The following NWD2 variants were observed in gnomAD, a reference collection of about 807,000 sequenced individuals.
The protein encoded by NWD2 is NACHT and WD repeat domain containing 2, also known as NACHT and WD repeat domain-containing protein 2.
In NWD2, 37 loss-of-function variants were observed where a neutral mutation model predicts 132.7. The observed-to-expected ratio is 0.28, with a 90% CI of 0.21 to 0.37. The LOEUF (loss-of-function observed/expected upper bound fraction) is 0.37, where lower values mean the gene tolerates loss of function less well. NWD2 is among the 10% of genes least tolerant of loss of function. NWD2 has a pLI of 1.00. For synonymous variants in NWD2, 705 were observed against 803.0 expected (o/e 0.88, Z 2.06); for missense variants, 1,592 against 2,122.4 (o/e 0.75, Z 4.91).
At chr4:37,304,510 T>A (rs1718669651) in intron 1 of NWD2, among the ~76,000 whole-genome samples, 1 of 152,202 alleles carries the variant, frequency 6.6e-6, no homozygotes, top group Non-Finnish European at 1.5e-5. Flanking sequence ...CTTCCACCTA[T>A]AAGCCTGTAA....
intron 2 of NWD2, among the ~76,000 whole-genome samples, chr4:37,330,267 G>A (rs1719264679): frequency 6.6e-6 from 1 of 152,042 alleles, no homozygotes; most frequent in Non-Finnish European, 1.5e-5. Flanking sequence ...ACTCAGAGAT[G>A]GAAACAGTTC....
chr4:37,395,443 T>C (rs1005709262), intron 3 of NWD2, among the ~76,000 whole-genome samples: 42 of 151,346 alleles, frequency 2.8e-4, no homozygotes, highest in South Asian at 1.3e-3. Flanking sequence ...AGACTCACTT[T>C]CAAGTAGTAA....
chr4:37,431,428 C>CA (rs945953349), intron 4 of NWD2, among the ~76,000 whole-genome samples: 1 of 152,128 alleles, frequency 6.6e-6, no homozygotes, highest in Non-Finnish European at 1.5e-5. Context: ...CCCAGAAAGA[C>CA]AAATACCATA....
At position 37,274,179 on chromosome 4, in the gene NWD2, G is replaced by A. The variant is rs529769408; in HGVS notation, c.151+28961G>A. Among the ~76,000 whole-genome samples, 246 of 151,816 alleles carry A rather than the reference G, an allele frequency of 1.6e-3. 2 individuals are homozygous for A. Among genetic ancestry groups the A allele is most frequent in the South Asian group, 6.9e-3 (33 of 4,802 alleles). ...TAAAGATCAACAAAATTGATAGACC[G>A]CTAGCAAGACTAATAAAGAAGAAAA... On this transcript the variant is annotated intron_variant, in intron 1 of 6. Coordinates refer to ENST00000309447, the MANE Select transcript of NWD2 (RefSeq NM_001144990.2).
rs531837165 is a variant in NWD2, at chr4:37,445,708, T to C, written c.3720T>C (p.Ser1240=). The part of the protein sequence containing the change: ...HNERFISAVL[S]KNGDCIIATM... ...AACGCTTTATATCTGCCGTGCTGTC[T>C]AAAAATGGAGATTGTATCATCGCCA... Residue 1240 remains serine, a synonymous_variant, in exon 7 of 7, where the codon TCT becomes TCC. Coordinates refer to ENST00000309447, the MANE Select transcript of NWD2 (RefSeq NM_001144990.2). The surrounding 1 kb of genome is among the most constrained non-coding windows in gnomAD (Gnocchi z 4.7). 6.4e-7 allele frequency: 1 copy of C among 1,551,948 alleles called. No homozygotes were observed. The highest frequency in any genetic ancestry group is 1.4e-5 in the African/African-American group (1 of 73,170).
intron 1 of NWD2, 30 bp downstream of exon 1, chr4:37,245,248 G>A: frequency 6.6e-7 from 1 of 1,509,776 alleles, no homozygotes; most frequent in Non-Finnish European, 8.8e-7. Context: ...TTGCCCGTCC[G>A]TCCTTCTGTC....
At chr4:37,382,077 CAA>C (rs1021383069) in intron 3 of NWD2, among the ~76,000 whole-genome samples, 6 of 152,166 alleles carry the variant, frequency 3.9e-5, no homozygotes, top group Non-Finnish European at 8.8e-5. Context: ...TTACATTTCT[CAA>C]GAGAGAAGAA....
chr4:37,257,364 G>C (rs1451813070), intron 1 of NWD2, among the ~76,000 whole-genome samples: 1 of 152,200 alleles, frequency 6.6e-6, no homozygotes, highest in Non-Finnish European at 1.5e-5. Flanking sequence ...TAAGAATGAA[G>C]AAGTTGAAAG....
intron 1 of NWD2, among the ~76,000 whole-genome samples, chr4:37,292,912 C>G (rs562137337): frequency 1.3e-5 from 2 of 151,906 alleles, no homozygotes; most frequent in African/African-American, 2.4e-5. Context: ...GCTTGCCCAC[C>G]GCTCACCTCC....
At position 37,445,014 on chromosome 4, in the gene NWD2, A is replaced by T; in HGVS notation, c.3026A>T (p.Gln1009Leu). 1 of 1,551,992 alleles carries T rather than the reference A, an allele frequency of 6.4e-7. No individual in the cohort carries two copies. The highest frequency in any genetic ancestry group is 8.7e-7 in the Non-Finnish European group (1 of 1,147,058). The change falls in exon 7 of 7, where the codon CAG (glutamine) becomes CTG (leucine). Residue 1009 changes from glutamine to leucine, a missense_variant. By Grantham distance (113) the Gln-to-Leu change is moderately radical. Coordinates refer to ENST00000309447, the MANE Select transcript of NWD2 (RefSeq NM_001144990.2). This position sits in a 1 kb window ranked among gnomAD's most constrained non-coding sequence, Gnocchi z 4.7. ...RQLLRQITTA[Q>L]SVILGMKLTS... ...CTACTCAGGCAAATCACCACAGCCC[A>T]GTCTGTCATCCTGGGCATGAAACTC...
intron 1 of NWD2, among the ~76,000 whole-genome samples, chr4:37,303,284 G>A (rs1387877224): frequency 2.0e-5 from 3 of 152,106 alleles, no homozygotes; most frequent in African/African-American, 4.8e-5. Flanking sequence ...ATTTCTGGGA[G>A]CTGAAATTCT....
intron 2 of NWD2, among the ~76,000 whole-genome samples, chr4:37,352,078 T>C (rs1030311652): frequency 6.6e-6 from 1 of 152,206 alleles, no homozygotes; most frequent in Non-Finnish European, 1.5e-5. Context: ...TTGCATTTGC[T>C]GAGGAGTGTT....
rs1719167946 is a variant in NWD2, at chr4:37,326,075, T to C, written c.240+51T>C. On this transcript the variant is annotated intron_variant, in intron 2 of 6. Transcript: ENST00000309447. ...CAGTTATGTCCAGTTAAATAACTAG[T>C]GTTTGTTTCTTGTCACAACTTGAGT... The C allele has an allele frequency of 3.4e-6, 4 of 1,174,014 alleles. No individual in the cohort carries two copies. The South Asian group carries it at 4.2e-5, about 12-fold the overall frequency. The allele number at this position is 1,174,014 out of a possible 1,614,324, so 72.7% of individuals were successfully genotyped here.
intron 1 of NWD2, among the ~76,000 whole-genome samples, chr4:37,255,335 C>T (rs927889374): frequency 1.3e-5 from 2 of 152,126 alleles, no homozygotes; most frequent in South Asian, 4.1e-4. Context: ...AAGGATCAGA[C>T]CTAAAAATCA....
intron 1 of NWD2, among the ~76,000 whole-genome samples, chr4:37,315,346 T>C (rs1718936032): frequency 6.6e-6 from 1 of 152,138 alleles, no homozygotes; most frequent in Non-Finnish European, 1.5e-5. Flanking sequence ...TATTTAGTTA[T>C]TTCATCAATT....
At chr4:37,415,031 T>G (rs1187663574) in intron 3 of NWD2, among the ~76,000 whole-genome samples, 1 of 152,166 alleles carries the variant, frequency 6.6e-6, no homozygotes, top group African/African-American at 2.4e-5. Flanking sequence ...TAAACTACAT[T>G]CAATGTCCTT....
rs79007186 is a variant in NWD2, at chr4:37,268,238, G to A, written c.151+23020G>A. ...TTACACATTCCCCCAAATGAAGCCC[G>A]TATTATCTTCTCTCTCCTGGAGAGT... On this transcript the variant is annotated intron_variant, in intron 1 of 6. Transcript: ENST00000309447. 3.7e-3 allele frequency among the ~76,000 whole-genome samples: 560 copies of A among 151,874 alleles called. 5 individuals are homozygous for A. Among genetic ancestry groups the A allele is most frequent in the African/African-American group, 0.012 (514 of 41,466 alleles).
At chr4:37,323,485 A>G (rs1048158973) in intron 1 of NWD2, among the ~76,000 whole-genome samples, 1 of 152,148 alleles carries the variant, frequency 6.6e-6, no homozygotes, top group Non-Finnish European at 1.5e-5. Flanking sequence ...CAAAACCACA[A>G]TGAGATACAT....
chr4:37,426,851 T>C (rs1484943939), intron 3 of NWD2, among the ~76,000 whole-genome samples: 2 of 152,122 alleles, frequency 1.3e-5, no homozygotes, highest in African/African-American at 4.8e-5. Context: ...AACCAATCCA[T>C]AGATTTGACT....
Sources: allele counts gnomAD v4.1 joint callset (sites outside exome capture counted in the v4.1 genomes callset), GRCh38; gene constraint gnomAD v4.1.1; non-coding constraint Gnocchi (gnomAD v3.1); transcripts MANE v1.5; gene names NCBI Gene and HGNC (gene_info 2026-07-23, HGNC 2026-07-21).